Variants in TAFA2 observed in about 807,000 individuals in gnomAD.
TAFA2 encodes chemokine-like protein TAFA-2.
TAFA2 carries 7 observed loss-of-function variants against 18.8 expected under a neutral mutation model. That is an observed-to-expected ratio of 0.37 (90% CI 0.21 to 0.70). The LOEUF is 0.70. Among genes scored for constraint, TAFA2 ranks in the 30% least tolerant of loss-of-function variants. The probability of loss-of-function intolerance (pLI) is 0.53; values close to 1 mark genes in which losing one functional copy is unlikely to be tolerated. For missense variants in TAFA2, 122 were observed against 158.1 expected (o/e 0.77, Z 1.23); for synonymous variants, 60 against 54.2 (o/e 1.11, Z -0.47).
rs201096487 is a variant in TAFA2, at chr12:62,245,666, AAT to A, written c.-130+13095_-130+13096del. Among the ~76,000 whole-genome samples the A allele has an allele frequency of 8.1e-4, 120 of 147,650 alleles. 3 individuals carry two copies. The East Asian group carries it at 0.017, about 21-fold the overall frequency. On this transcript the variant is annotated intron_variant, in intron 1 of 5. Transcript: ENST00000551619. ...GTATATTTTATAGAATATACATTAA[AAT>A]ATTTTTATAAATATATAAAAATGTA...
At chr12:61,921,488 T>C (rs887604659) in intron 1 of TAFA2, among the ~76,000 whole-genome samples, 1 of 152,124 alleles carries the variant, frequency 6.6e-6, no homozygotes, top group Admixed American at 6.6e-5. Flanking sequence ...CTGTGTGAAA[T>C]GGAAAAGGCT....
At position 62,113,978 on chromosome 12, in the gene TAFA2, G is replaced by C. The variant is rs569725268; in HGVS notation, c.-2+77281C>G. On this transcript the variant is annotated intron_variant, in intron 1 of 4. Transcript: ENST00000416284. ...TAGACCACTTGGCTCCCTGGCTTAC[G>C]CCCCTTTCCAAGGGAGTGAATGATT... is the stretch of plus-strand genomic sequence containing the variant. Among the ~76,000 whole-genome samples the C allele has an allele frequency of 2.0e-5, 3 of 152,292 alleles. No individual in the cohort carries two copies. The South Asian group carries it at 6.2e-4, about 32-fold the overall frequency.
intron 1 of TAFA2, among the ~76,000 whole-genome samples, chr12:61,888,187 C>T (rs1010992443): frequency 6.6e-6 from 1 of 152,134 alleles, no homozygotes; most frequent in African/African-American, 2.4e-5. Context: ...CCTCAGGGAT[C>T]TAGAACTAGA....
At chr12:62,060,298 G>A (rs1377434526) in intron 1 of TAFA2, among the ~76,000 whole-genome samples, 12 of 152,086 alleles carry the variant, frequency 7.9e-5, no homozygotes, top group African/African-American at 2.7e-4. Context: ...TCAACAATGG[G>A]CCACATAAAC....
At chr12:62,048,506 C>A (rs1276769852) in intron 1 of TAFA2, among the ~76,000 whole-genome samples, 3 of 152,130 alleles carry the variant, frequency 2.0e-5, no homozygotes, top group Non-Finnish European at 4.4e-5. Context: ...CTAACCATAT[C>A]AATACTCATG....
chr12:61,910,745 C>A (rs953052032), intron 1 of TAFA2, among the ~76,000 whole-genome samples: 1 of 152,208 alleles, frequency 6.6e-6, no homozygotes, highest in Non-Finnish European at 1.5e-5. Context: ...GGTCTTGAAA[C>A]TACTTAAAGG....
At chr12:62,105,835 A>G (rs570866469) in intron 1 of TAFA2, among the ~76,000 whole-genome samples, 84 of 152,206 alleles carry the variant, frequency 5.5e-4, no homozygotes, top group Non-Finnish European at 1.3e-4. Context: ...TAATGCAGAG[A>G]GTAATGCTTT....
chr12:62,056,837 T>A (rs568018795), intron 1 of TAFA2, among the ~76,000 whole-genome samples: 107 of 152,318 alleles, frequency 7.0e-4, no homozygotes, highest in African/African-American at 2.5e-3. Context: ...AGCGTAACAA[T>A]AACCACAACA....
At chr12:61,928,349 G>T (rs774368246) in intron 1 of TAFA2, among the ~76,000 whole-genome samples, 2 of 152,082 alleles carry the variant, frequency 1.3e-5, no homozygotes, top group Non-Finnish European at 2.9e-5. Flanking sequence ...TCAAAAAGTG[G>T]GCAAAAGATA....
intron 1 of TAFA2, among the ~76,000 whole-genome samples, chr12:62,239,707 A>G (rs949055148): frequency 2.6e-5 from 4 of 152,214 alleles, no homozygotes; most frequent in Admixed American, 2.0e-4. Flanking sequence ...AAGAACCCCA[A>G]CTGAGGTCCT....
Position 62,000,614 on chromosome 12 carries a change from G to A in TAFA2, c.-1-133188C>T, listed in dbSNP as rs1209509771. Among the ~76,000 whole-genome samples, 2 of 123,702 alleles carry A rather than the reference G, an allele frequency of 1.6e-5. 1 individual carries two copies. The highest frequency in any genetic ancestry group is 3.6e-5 in the Non-Finnish European group (2 of 56,278). The allele number at this position is 123,702 out of a possible 152,430, so 81.2% of individuals were successfully genotyped here. A position where few individuals can be genotyped will look rare whatever the true frequency, so the allele number is the denominator to read the frequency against. On this transcript the variant is annotated intron_variant, in intron 1 of 4. Transcript: ENST00000416284. The stretch of plus-strand genomic sequence containing the variant: ...TATGTATTTAAACATGCATAAATAT[G>A]TGCACACACAAAAAAATGTACAAAG...
At chr12:62,211,576 T>C (rs2062714534) in intron 1 of TAFA2, among the ~76,000 whole-genome samples, 1 of 42,406 alleles carries the variant, frequency 2.4e-5, no homozygotes, top group Admixed American at 2.1e-4. Flanking sequence ...CGAGGCTCCG[T>C]CTCAAAAAAA....
intron 1 of TAFA2, among the ~76,000 whole-genome samples, chr12:62,129,177 T>G (rs562881392): frequency 1.2e-3 from 184 of 152,078 alleles, no homozygotes; most frequent in Non-Finnish European, 2.2e-3. Flanking sequence ...AGAAAAAATG[T>G]TTTTCTTCTT....
chr12:61,815,801 AT>A (rs1293282953), intron 2 of TAFA2, among the ~76,000 whole-genome samples: 1 of 151,258 alleles, frequency 6.6e-6, no homozygotes, highest in Non-Finnish European at 1.5e-5. Context: ...GCTAGATAAA[AT>A]TTTTTCTCTA....
At chr12:62,244,587 T>C (rs1037305829) in intron 1 of TAFA2, among the ~76,000 whole-genome samples, 1 of 152,176 alleles carries the variant, frequency 6.6e-6, no homozygotes, top group Non-Finnish European at 1.5e-5. Context: ...CTACGGTAGA[T>C]TCCAAGATGT....
At chr12:62,021,945 G>A (rs1289477823) in intron 1 of TAFA2, 4 of 716,570 alleles carry the variant, frequency 5.6e-6, no homozygotes, top group Admixed American at 5.3e-5. Flanking sequence ...CACCATGGCA[G>A]GCCCTCCTCA....
At chr12:62,017,227 C>T (rs889568406) in intron 1 of TAFA2, among the ~76,000 whole-genome samples, 8 of 129,808 alleles carry the variant, frequency 6.2e-5, no homozygotes, top group Non-Finnish European at 8.7e-5. Context: ...TGAGTTAATG[C>T]GTAAAAAAAA....
intron 1 of TAFA2, among the ~76,000 whole-genome samples, chr12:61,966,219 G>A (rs1414990306): frequency 6.6e-6 from 1 of 151,846 alleles, no homozygotes; most frequent in African/African-American, 2.4e-5. Flanking sequence ...AGTTTATAAA[G>A]AACAGACATT....
At chr12:62,045,006 A>G (rs542806555) in intron 1 of TAFA2, among the ~76,000 whole-genome samples, 4 of 152,224 alleles carry the variant, frequency 2.6e-5, no homozygotes, top group East Asian at 3.9e-4. Flanking sequence ...ACCAAAGACA[A>G]CATTCTTTTT....
Sources: allele counts gnomAD v4.1 joint callset (sites outside exome capture counted in the v4.1 genomes callset), GRCh38; gene constraint gnomAD v4.1.1; transcripts MANE v1.5; gene names NCBI Gene and HGNC (gene_info 2026-07-23, HGNC 2026-07-21).